Variants in TP63 observed in about 807,000 individuals in gnomAD.
TP63 encodes the protein tumor protein p63, also known as tumor protein 63.
A neutral mutation model predicts 82.8 loss-of-function variants in TP63; 17 were observed. That is an observed-to-expected ratio of 0.21 (90% CI 0.14 to 0.31). TP63 has a LOEUF of 0.31. Ranked by LOEUF, TP63 falls within the 10% of genes least tolerant of loss-of-function variation. The pLI is 1.00. For missense variants in TP63, 648 were observed against 895.3 expected (o/e 0.72, Z 3.52); for synonymous variants, 330 against 321.7 (o/e 1.03, Z -0.28).
intron 3 of TP63, among the ~76,000 whole-genome samples, chr3:189,766,417 G>GT (rs141603158): frequency 3.7e-4 from 56 of 149,702 alleles, no homozygotes; most frequent in Middle Eastern, 3.5e-3. Flanking sequence ...TCCTAATCAG[G>GT]TTTTTTTTTT....
intron 3 of TP63, among the ~76,000 whole-genome samples, chr3:189,765,650 G>A (rs1299151189): frequency 1.3e-5 from 2 of 151,336 alleles, no homozygotes; most frequent in Non-Finnish European, 2.9e-5. Flanking sequence ...AGCCAGGATG[G>A]TCTCGATCTC....
chr3:189,747,438 G>A (rs1253055813), intron 3 of TP63, among the ~76,000 whole-genome samples: 2 of 151,944 alleles, frequency 1.3e-5, no homozygotes, highest in African/African-American at 4.8e-5. Context: ...AAAAACAATA[G>A]CAAGAGGAAC....
intron 1 of TP63, among the ~76,000 whole-genome samples, chr3:189,695,110 T>G (rs1328684716): frequency 6.6e-6 from 1 of 152,066 alleles, no homozygotes; most frequent in Non-Finnish European, 1.5e-5. Context: ...GGGTAGAATA[T>G]CTACCTAAAT....
At chr3:189,724,772 T>C (rs1034767918) in intron 1 of TP63, among the ~76,000 whole-genome samples, 1 of 152,200 alleles carries the variant, frequency 6.6e-6, no homozygotes, top group Admixed American at 6.6e-5. Context: ...GCATTATGGT[T>C]ATGGAACACC....
chr3:189,781,250 T>C lies in TP63; in HGVS notation c.325-27022T>C, dbSNP rs540482665. Among the ~76,000 whole-genome samples, 8 of 152,322 alleles carry C rather than the reference T, an allele frequency of 5.3e-5. No homozygotes were observed. In the East Asian group the frequency reaches 1.5e-3, roughly 29 times the overall value. On this transcript the variant is annotated intron_variant, in intron 3 of 13. Transcript: ENST00000264731. ...CTGTATACTTAGGATTTAAGGGTAA[T>C]GTAATCCTGAACAGTGTAGCAGAGA...
At chr3:189,634,916 C>G (rs919413833) in intron 1 of TP63, among the ~76,000 whole-genome samples, 11 of 151,686 alleles carry the variant, frequency 7.3e-5, no homozygotes, top group Admixed American at 2.0e-4. Context: ...ATTTTCCATT[C>G]TTTCATTTCT....
intron 1 of TP63, among the ~76,000 whole-genome samples, chr3:189,641,507 C>A (rs1711869712): frequency 6.6e-6 from 1 of 151,992 alleles, no homozygotes; most frequent in Admixed American, 6.6e-5. Context: ...GTTTTCCATG[C>A]CATCTTCTAG....
chr3:189,603,590 G>C, the TP63 span, among the ~76,000 whole-genome samples: 2 of 136,440 alleles, frequency 1.5e-5, no homozygotes, highest in Non-Finnish European at 3.1e-5. Context: ...GACACCCCAT[G>C]TAAACATCAA....
chr3:189,756,839 T>C (rs2108530857), intron 3 of TP63, among the ~76,000 whole-genome samples: 1 of 152,298 alleles, frequency 6.6e-6, no homozygotes, highest in East Asian at 1.9e-4. Flanking sequence ...TAAGACACTG[T>C]GCTCAGACTG....
rs1382258493 is a variant in TP63 at position 189,754,001 on chromosome 3, C to T, written c.324+15227C>T. Among the ~76,000 whole-genome samples, 3 of 152,094 alleles carry T rather than the reference C, an allele frequency of 2.0e-5. No individual in the cohort carries two copies. In the East Asian group the frequency reaches 5.8e-4, roughly 29 times the overall value. ...ATATATTTCTGTACATTGAAAACTT[C>T]ATCAGATGCTTATAATTTTTACTTT... On this transcript the variant is annotated intron_variant, in intron 3 of 13. Coordinates refer to ENST00000264731, the MANE Select transcript of TP63 (RefSeq NM_003722.5).
At chr3:189,826,373 G>A (rs769200182) in intron 4 of TP63, among the ~76,000 whole-genome samples, 122 of 152,166 alleles carry the variant, frequency 8.0e-4, no homozygotes, top group Non-Finnish European at 1.5e-3. Context: ...CTTGAAAAAT[G>A]ATTTTATGGA....
chr3:189,666,143 A>G (rs1056003924), intron 1 of TP63, among the ~76,000 whole-genome samples: 2 of 152,102 alleles, frequency 1.3e-5, no homozygotes, highest in South Asian at 4.1e-4. Context: ...TAAGATACTT[A>G]TCAAACGTAA....
rs1436384412 is a variant in TP63 at position 189,697,760 on chromosome 3, G to A, written c.63-39980G>A. On this transcript the variant is annotated intron_variant, in intron 1 of 13. Transcript: ENST00000264731. ...TTATACTTTTCTGCATATAGATCCTGTATTTATTTTATTGGATTTATAGCC... is the reference window on the plus strand; with the variant it reads ...TTATACTTTTCTGCATATAGATCCTATATTTATTTTATTGGATTTATAGCC... Among the ~76,000 whole-genome samples the A allele has an allele frequency of 3.3e-5, 5 of 151,954 alleles. No homozygotes were observed. The South Asian group carries it at 8.3e-4, about 25-fold the overall frequency.
At chr3:189,662,105 A>C (rs1269810189) in intron 1 of TP63, among the ~76,000 whole-genome samples, 1 of 151,720 alleles carries the variant, frequency 6.6e-6, no homozygotes, top group African/African-American at 2.4e-5. Flanking sequence ...TCTTGTGCTA[A>C]TTTTGGGGTT....
At chr3:189,638,859 G>A (rs944312403) in intron 1 of TP63, among the ~76,000 whole-genome samples, 4 of 152,118 alleles carry the variant, frequency 2.6e-5, no homozygotes, top group South Asian at 2.1e-4. Flanking sequence ...CAGATGATTC[G>A]TTGGTTTGCA....
chr3:189,731,201 G>A (rs1460455296), intron 1 of TP63, among the ~76,000 whole-genome samples: 2 of 151,982 alleles, frequency 1.3e-5, no homozygotes, highest in African/African-American at 2.4e-5. Flanking sequence ...AAAATTAGCC[G>A]AGCACAGTGG....
intron 4 of TP63, among the ~76,000 whole-genome samples, chr3:189,838,522 C>G (rs1475977616): frequency 6.6e-6 from 1 of 152,100 alleles, no homozygotes; most frequent in Non-Finnish European, 1.5e-5. Context: ...AACATGATGA[C>G]AAGCTTTTAA....
chr3:189,818,194 C>T (rs528292971), intron 4 of TP63, among the ~76,000 whole-genome samples: 2 of 151,656 alleles, frequency 1.3e-5, no homozygotes, highest in African/African-American at 2.4e-5. Flanking sequence ...TCTTTTTATT[C>T]CTACTTTGTA....
intron 3 of TP63, among the ~76,000 whole-genome samples, chr3:189,779,744 C>T (rs1434057528): frequency 1.3e-5 from 2 of 152,036 alleles, no homozygotes. Flanking sequence ...ACGTTTAACC[C>T]CTCTAGAGCC....
Sources: gnomAD v4.1 joint callset for allele counts (sites outside exome capture counted in the v4.1 genomes callset) on GRCh38, gnomAD v4.1.1 for gene constraint, MANE v1.5 for transcripts, NCBI Gene and HGNC (gene_info 2026-07-23, HGNC 2026-07-21) for gene names.